The following ERC1 variants were observed in gnomAD, a reference collection of about 807,000 sequenced individuals.
The protein encoded by ERC1 is RAB6 interacting protein 2.
A neutral mutation model predicts 132.0 loss-of-function variants in ERC1; 56 were observed. That is an observed-to-expected ratio of 0.42 (90% confidence interval 0.34 to 0.53). The LOEUF is 0.53. ERC1 is among the 20% of genes least tolerant of loss of function. The probability of loss-of-function intolerance (pLI) is 0.03; values close to 1 mark genes in which losing one functional copy is unlikely to be tolerated. For missense variants in ERC1, 1,202 were observed against 1,349.9 expected (o/e 0.89, Z 1.72); for synonymous variants, 478 against 476.1 (o/e 1.00, Z -0.05).
At chr12:1,341,069 CTTTTTTTTTTTTTTT>C (rs35902573) in intron 15 of ERC1, among the ~76,000 whole-genome samples, 854 of 62,916 alleles carry the variant, frequency 0.014, 23 homozygotes, top group African/African-American at 0.039. Context: ...TTTTCTTTTT[CTTTTTTTTTTTTTTT>C]TTTTTTTTTT....
At chr12:1,057,829 C>T (rs927225295) in intron 2 of ERC1, among the ~76,000 whole-genome samples, 3 of 151,878 alleles carry the variant, frequency 2.0e-5, no homozygotes, top group Admixed American at 6.6e-5. Flanking sequence ...ATTCTGACCT[C>T]GTGATCCACC....
rs1471667925 is a variant in ERC1 at position 1,420,924 on chromosome 12, G to T, written c.3024+12677G>T. On this transcript the variant is annotated intron_variant, in intron 17 of 18. Coordinates refer to ENST00000360905, the MANE Select transcript of ERC1 (RefSeq NM_178040.4). Reference sequence around the variant, plus strand: ...TTGTTTGTTTGGTTTTGGTTTGGGGGGGGGGGGGGTTAATTATAAAGCATT... The same window carrying T: ...TTGTTTGTTTGGTTTTGGTTTGGGGTGGGGGGGGGTTAATTATAAAGCATT... Among the ~76,000 whole-genome samples, 16 of 148,060 alleles carry T rather than the reference G, an allele frequency of 1.1e-4. 1 individual carries two copies. The highest frequency in any genetic ancestry group is 2.5e-4 in the African/African-American group (10 of 39,962).
chr12:1,056,548 G>A (rs1438087573), intron 2 of ERC1, among the ~76,000 whole-genome samples: 1 of 152,188 alleles, frequency 6.6e-6, no homozygotes, highest in East Asian at 1.9e-4. Flanking sequence ...GGTTGGACCA[G>A]GTGTGCCATT....
rs78680208 is a variant in ERC1, at chr12:1,490,892, G to A, written c.*662G>A. ...CTTCATCCAGCCCTGCCTGTCTGTC[G>A]CAGCCTTCCTCACTCTGTTCCTCGG... On this transcript the variant is annotated 3_prime_UTR_variant, in exon 19 of 19. Transcript: ENST00000360905. 9.7e-3 allele frequency: 2,255 copies of A among 232,504 alleles called. 40 individuals are homozygous for A. Among genetic ancestry groups the A allele is most frequent in the African/African-American group, 0.043 (1,947 of 45,334 alleles). The allele number at this position is 232,504 out of a possible 1,614,324, so 14.4% of individuals were successfully genotyped here.
intron 5 of ERC1, among the ~76,000 whole-genome samples, chr12:1,110,689 A>G (rs1301949249): frequency 6.6e-6 from 1 of 152,106 alleles, no homozygotes; most frequent in Non-Finnish European, 1.5e-5. Context: ...CCTCTTGTGA[A>G]TTATTTAAAA....
chr12:1,263,108 A>G lies in ERC1; in HGVS notation c.2562A>G (p.Ala854=), dbSNP rs2077245902. 1 of 1,613,982 alleles carries G rather than the reference A, an allele frequency of 6.2e-7. No individual in the cohort carries two copies. The highest frequency in any genetic ancestry group is 1.3e-5 in the African/African-American group (1 of 74,940). ...EALRESVQIT[A]EREMVLAQEE... ...TAAGAGAAAGTGTACAGATAACTGC[A>G]GAGCGGGAAATGGTGCTAGCACAAG... The change falls in exon 14 of 19, where the codon GCA becomes GCG. Residue 854 remains alanine, a synonymous_variant. Coordinates refer to ENST00000360905, the MANE Select transcript of ERC1 (RefSeq NM_178040.4).
chr12:1,378,254 C>T (rs1157247409), intron 16 of ERC1, among the ~76,000 whole-genome samples: 1 of 152,100 alleles, frequency 6.6e-6, no homozygotes. Context: ...GCCCTGACCG[C>T]TCCCCGTTGG....
intron 2 of ERC1, among the ~76,000 whole-genome samples, chr12:1,046,176 G>A (rs1448749321): frequency 6.6e-6 from 1 of 152,082 alleles, no homozygotes; most frequent in Non-Finnish European, 1.5e-5. Context: ...TTTTATAAGG[G>A]GAAGGTCAAT....
intron 1 of ERC1, among the ~76,000 whole-genome samples, chr12:1,011,131 G>T (rs566764786): frequency 1.3e-5 from 2 of 152,274 alleles, no homozygotes; most frequent in South Asian, 4.1e-4. Context: ...AGGTACAAAA[G>T]GATGAAGTGT....
chr12:1,407,939 G>A (rs539084212), intron 16 of ERC1, among the ~76,000 whole-genome samples: 1 of 152,038 alleles, frequency 6.6e-6, no homozygotes, highest in African/African-American at 2.4e-5. Flanking sequence ...GGGTTTAGGG[G>A]TTCTACATAT....
intron 2 of ERC1, among the ~76,000 whole-genome samples, chr12:1,028,943 A>G (rs1246317666): frequency 6.6e-6 from 1 of 151,864 alleles, no homozygotes; most frequent in African/African-American, 2.4e-5. Context: ...GGTAACTTAA[A>G]TGTAAGGTAT....
intron 8 of ERC1, among the ~76,000 whole-genome samples, chr12:1,154,253 G>A (rs1593773390): frequency 8.2e-6 from 1 of 121,228 alleles, no homozygotes; most frequent in Non-Finnish European, 1.8e-5. Context: ...ATATGTATAT[G>A]TATATGTGTA....
intron 3 of ERC1, among the ~76,000 whole-genome samples, chr12:1,099,940 T>G (rs537959780): frequency 6.0e-4 from 89 of 148,418 alleles, no homozygotes; most frequent in African/African-American, 2.2e-3. Context: ...CTCCACCTCC[T>G]GGGTTCAAGC....
At chr12:1,167,456 A>G (rs1428325304) in intron 8 of ERC1, among the ~76,000 whole-genome samples, 4 of 152,186 alleles carry the variant, frequency 2.6e-5, no homozygotes, top group African/African-American at 4.8e-5. Context: ...ATTAAATCAG[A>G]CTCTGATGAA....
At chr12:1,422,992 C>T (rs190057796) in intron 17 of ERC1, among the ~76,000 whole-genome samples, 187 of 152,274 alleles carry the variant, frequency 1.2e-3, no homozygotes, top group Non-Finnish European at 2.0e-3. Context: ...TCAAACTCAG[C>T]GTAATTTTGG....
chr12:1,216,142 C>T (rs1268348992), intron 12 of ERC1, among the ~76,000 whole-genome samples: 1 of 152,146 alleles, frequency 6.6e-6, no homozygotes, highest in African/African-American at 2.4e-5. Context: ...CCTCTAGGCG[C>T]ATCCTTTAAT....
intron 15 of ERC1, among the ~76,000 whole-genome samples, chr12:1,333,044 GTCCTGATCCTC>G (rs2082993191): frequency 6.9e-6 from 1 of 145,456 alleles, no homozygotes. Context: ...CCTGATCCTC[GTCCTGATCCTC>G]GTCCTGATCC....
chr12:1,295,700 GA>G (rs1442186564), intron 15 of ERC1, among the ~76,000 whole-genome samples: 1 of 151,966 alleles, frequency 6.6e-6, no homozygotes, highest in East Asian at 1.9e-4. Context: ...TTACAGGGTA[GA>G]CCAAATTTGG....
At chr12:1,382,827 T>TA (rs1301108489) in intron 16 of ERC1, among the ~76,000 whole-genome samples, 1 of 152,230 alleles carries the variant, frequency 6.6e-6, no homozygotes, top group Non-Finnish European at 1.5e-5. Context: ...ATTATTTTAT[T>TA]AAAAAATATT....
Sources: allele counts gnomAD v4.1 joint callset (sites outside exome capture counted in the v4.1 genomes callset), GRCh38; gene constraint gnomAD v4.1.1; transcripts MANE v1.5; gene names NCBI Gene and HGNC (gene_info 2026-07-23, HGNC 2026-07-21).